Variants in PTK2 observed in about 807,000 individuals in gnomAD.
PTK2 encodes protein tyrosine kinase 2, also known as focal adhesion kinase 1.
PTK2 carries 45 observed loss-of-function variants against 150.1 expected under a neutral mutation model. The ratio of observed to expected loss-of-function variants is 0.30; its 90% CI spans 0.24 to 0.38. The LOEUF (loss-of-function observed/expected upper bound fraction) is 0.38, where lower values mean the gene tolerates loss of function less well. PTK2 is among the 10% of genes least tolerant of loss of function. The pLI is 1.00. For missense variants in PTK2, 919 were observed against 1,307.3 expected (o/e 0.70, Z 4.58); for synonymous variants, 432 against 449.2 (o/e 0.96, Z 0.48).
At chr8:140,807,711 T>C (rs1179187891) in intron 10 of PTK2, among the ~76,000 whole-genome samples, 3 of 152,238 alleles carry the variant, frequency 2.0e-5, no homozygotes, top group Non-Finnish European at 4.4e-5. Context: ...ACTGACTATA[T>C]CTTGAAATGA....
intron 12 of PTK2, among the ~76,000 whole-genome samples, chr8:140,793,978 G>A (rs568676057): frequency 1.3e-5 from 2 of 152,280 alleles, no homozygotes; most frequent in East Asian, 1.9e-4. Context: ...GCTCATGCCG[G>A]CCTGACCACA....
chr8:140,991,514 T>C (rs887143203), intron 1 of PTK2, among the ~76,000 whole-genome samples: 5 of 152,218 alleles, frequency 3.3e-5, no homozygotes, highest in African/African-American at 1.2e-4. Flanking sequence ...TTCCAAGATT[T>C]TGAAAATCCT....
chr8:140,820,252 C>A (rs1326074708), intron 8 of PTK2, among the ~76,000 whole-genome samples: 2 of 151,342 alleles, frequency 1.3e-5, no homozygotes, highest in Admixed American at 1.3e-4. Context: ...AGGTGTGCAC[C>A]ACCACACCTG....
At chr8:140,927,975 A>AAAAAAAAAAAAAAATATATAT in intron 1 of PTK2, among the ~76,000 whole-genome samples, 1 of 48,194 alleles carries the variant, frequency 2.1e-5, no homozygotes, top group African/African-American at 9.8e-5. Flanking sequence ...AAAAAAAAAA[A>AAAAAAAAAAAAAAATATATAT]ATATATATAT....
At chr8:140,976,477 C>T (rs1588285939) in intron 1 of PTK2, among the ~76,000 whole-genome samples, 1 of 152,344 alleles carries the variant, frequency 6.6e-6, no homozygotes, top group South Asian at 2.1e-4. Context: ...CCTTAAGAAT[C>T]AGTCCTTGGG....
At chr8:140,685,637 A>C (rs2153694281) in intron 27 of PTK2, among the ~76,000 whole-genome samples, 1 of 152,370 alleles carries the variant, frequency 6.6e-6, no homozygotes, top group South Asian at 2.1e-4. Flanking sequence ...CATATGAAAA[A>C]ATGCCCAATA....
At chr8:140,860,582 C>T (rs565891694) in intron 5 of PTK2, among the ~76,000 whole-genome samples, 1 of 152,344 alleles carries the variant, frequency 6.6e-6, no homozygotes, top group South Asian at 2.1e-4. Flanking sequence ...TCAAGCTATT[C>T]TCCTGCCCCA....
At chr8:140,926,223 A>T (rs981361339) in intron 1 of PTK2, among the ~76,000 whole-genome samples, 1 of 152,232 alleles carries the variant, frequency 6.6e-6, no homozygotes, top group Non-Finnish European at 1.5e-5. Flanking sequence ...AACATAGATG[A>T]TATTACAATC....
chr8:140,980,916 A>T (rs899745337), intron 1 of PTK2, among the ~76,000 whole-genome samples: 7 of 148,814 alleles, frequency 4.7e-5, no homozygotes, highest in African/African-American at 1.7e-4. Context: ...ATGGCCAGCT[A>T]ATTTTTTTTT....
chr8:140,897,899 G>A (rs960794435), intron 2 of PTK2, among the ~76,000 whole-genome samples: 44 of 152,164 alleles, frequency 2.9e-4, no homozygotes, highest in African/African-American at 8.7e-4. Context: ...CTGTTTCTGC[G>A]GCCAATTACA....
At chr8:140,877,956 A>T (rs886097695) in intron 4 of PTK2, among the ~76,000 whole-genome samples, 2 of 152,186 alleles carry the variant, frequency 1.3e-5, no homozygotes, top group Non-Finnish European at 2.9e-5. Context: ...AACCAAGATA[A>T]TAGACTTGTG....
intron 14 of PTK2, among the ~76,000 whole-genome samples, chr8:140,788,624 C>T (rs554210821): frequency 3.6e-4 from 55 of 152,254 alleles, no homozygotes; most frequent in Non-Finnish European, 6.8e-4. Flanking sequence ...GCAGAGGTTG[C>T]AGTGAGCTGA....
chr8:140,812,059 C>A (rs577800354), intron 10 of PTK2, among the ~76,000 whole-genome samples: 5 of 152,174 alleles, frequency 3.3e-5, no homozygotes, highest in African/African-American at 7.2e-5. Flanking sequence ...TTAGGAAAGG[C>A]AGAGTAAGAT....
chr8:140,857,666 T>A (rs1446152463), intron 5 of PTK2, among the ~76,000 whole-genome samples: 1 of 152,188 alleles, frequency 6.6e-6, no homozygotes, highest in East Asian at 1.9e-4. Context: ...AGAGGACATG[T>A]ATGCTCTCAG....
At chr8:140,757,023 T>C (rs549840548) in intron 16 of PTK2, among the ~76,000 whole-genome samples, 1 of 152,158 alleles carries the variant, frequency 6.6e-6, no homozygotes, top group Non-Finnish European at 1.5e-5. Flanking sequence ...ATTTAGATTA[T>C]GGCTATTTTA....
intron 1 of PTK2, among the ~76,000 whole-genome samples, chr8:140,943,490 A>AT (rs2154608907): frequency 6.6e-6 from 1 of 152,354 alleles, no homozygotes; most frequent in African/African-American, 2.4e-5. Flanking sequence ...CAACTGATGG[A>AT]TATTTGAGCT....
chr8:140,797,329 T>A (rs1645486662), intron 12 of PTK2, among the ~76,000 whole-genome samples: 1 of 152,200 alleles, frequency 6.6e-6, no homozygotes, highest in South Asian at 2.1e-4. Flanking sequence ...TGAGAAATTT[T>A]AATTATTTAT....
chr8:140,927,975 A>AAAAAAAAAT, intron 1 of PTK2, among the ~76,000 whole-genome samples: 1 of 48,192 alleles, frequency 2.1e-5, no homozygotes, highest in Non-Finnish European at 3.4e-5. Flanking sequence ...AAAAAAAAAA[A>AAAAAAAAAT]ATATATATAT....
chr8:140,717,499 C>G (rs1252873953), intron 23 of PTK2, 99 bp downstream of exon 26: 9 of 900,492 alleles, frequency 1.0e-5, no homozygotes, highest in East Asian at 2.5e-5. Context: ...TTAGAATAAC[C>G]TGATATTTGA....
Sources: allele counts gnomAD v4.1 joint callset (sites outside exome capture counted in the v4.1 genomes callset), GRCh38; gene constraint gnomAD v4.1.1; transcripts MANE v1.5; gene names NCBI Gene and HGNC (gene_info 2026-07-23, HGNC 2026-07-21).